WDR43: variants seen among roughly 807,000 people sequenced by gnomAD.
WDR43 encodes the protein WD repeat domain 43.
Under a neutral mutation model 91.4 loss-of-function variants are expected in WDR43, and 13 were observed. That is an observed-to-expected ratio of 0.14 (90% confidence interval 0.09 to 0.23). The LOEUF is 0.23. Ranked by LOEUF, WDR43 falls within the 10% of genes least tolerant of loss-of-function variation. WDR43 has a pLI of 1.00. For synonymous variants in WDR43, 331 were observed against 287.9 expected (o/e 1.15, Z -1.51); for missense variants, 780 against 809.4 (o/e 0.96, Z 0.44).
intron 11 of WDR43, among the ~76,000 whole-genome samples, chr2:28,932,445 G>C (rs571323670): frequency 6.6e-6 from 1 of 152,176 alleles, no homozygotes; most frequent in Non-Finnish European, 1.5e-5. Flanking sequence ...TTACAGGCGT[G>C]AGCCACCGTT....
At chr2:28,907,906 A>AT (rs1670716388) in intron 3 of WDR43, among the ~76,000 whole-genome samples, 1 of 151,880 alleles carries the variant, frequency 6.6e-6, no homozygotes, top group Admixed American at 6.6e-5. Context: ...TCCGTCTCAA[A>AT]AAAAAAAAGC....
At chr2:28,927,323 A>G in intron 9 of WDR43, 1 of 497,146 alleles carries the variant, frequency 2.0e-6, no homozygotes, top group East Asian at 3.9e-5. Context: ...CTGATAACCA[A>G]CTACTGTCAG....
At chr2:28,900,024 G>T (rs1670549573) in intron 1 of WDR43, among the ~76,000 whole-genome samples, 1 of 152,080 alleles carries the variant, frequency 6.6e-6, no homozygotes, top group Non-Finnish European at 1.5e-5. Context: ...CTTGACATAG[G>T]CTATGTAAAT....
At chr2:28,941,692 A>G (rs1671440304) in intron 15 of WDR43, 118 bp downstream of exon 15, 4 of 748,468 alleles carry the variant, frequency 5.3e-6, no homozygotes, top group African/African-American at 1.7e-5. Context: ...CTGCGGTAGC[A>G]TGATCATAGC....
chr2:28,919,886 G>A (rs1470782350), intron 6 of WDR43, among the ~76,000 whole-genome samples: 3 of 151,880 alleles, frequency 2.0e-5, no homozygotes, highest in Admixed American at 6.6e-5. Flanking sequence ...TGTCGCCCAG[G>A]CTGGAGTGCA....
At chr2:28,936,456 T>C (rs1290750105) in intron 12 of WDR43, among the ~76,000 whole-genome samples, 1 of 152,226 alleles carries the variant, frequency 6.6e-6, no homozygotes, top group Non-Finnish European at 1.5e-5. Flanking sequence ...CATGTGTTTT[T>C]GTAATACTGC....
chr2:28,912,773 G>A (rs1670827749), intron 4 of WDR43, 63 bp downstream of exon 4: 1 of 1,578,854 alleles, frequency 6.3e-7, no homozygotes, highest in African/African-American at 1.4e-5. Context: ...AAAGGCAGAA[G>A]TTTGAACCAT....
chr2:28,924,389 C>T (rs528497772), intron 7 of WDR43, among the ~76,000 whole-genome samples: 14 of 151,682 alleles, frequency 9.2e-5, no homozygotes, highest in South Asian at 2.1e-4. Context: ...ATTTTAGGGA[C>T]GAAAAAGGGA....
chr2:28,933,134 T>G (rs984227348), intron 11 of WDR43, among the ~76,000 whole-genome samples: 2 of 152,176 alleles, frequency 1.3e-5, no homozygotes, highest in African/African-American at 4.8e-5. Flanking sequence ...TCGTAGAAAT[T>G]GACAAACCTA....
intron 5 of WDR43, among the ~76,000 whole-genome samples, chr2:28,915,855 G>A (rs566255744): frequency 2.0e-5 from 3 of 152,182 alleles, no homozygotes; most frequent in Non-Finnish European, 4.4e-5. Context: ...ATGACTTCAT[G>A]TTAGAATGAA....
At chr2:28,901,398 A>G (rs1019095122) in intron 1 of WDR43, among the ~76,000 whole-genome samples, 1 of 152,224 alleles carries the variant, frequency 6.6e-6, no homozygotes, top group African/African-American at 2.4e-5. Flanking sequence ...CCAGCCCTTG[A>G]CCAGTCAGTG....
rs1388156337 is a variant in WDR43, at chr2:28,918,058, G to A, written c.849+63G>A. 3 of 1,385,658 alleles carry A rather than the reference G, an allele frequency of 2.2e-6. No individual in the cohort carries two copies. In the Admixed American group the frequency reaches 6.8e-5, roughly 31 times the overall value. 85.8% of individuals were successfully genotyped at this position (1,385,658 alleles called of 1,614,324 possible). On this transcript the variant is annotated intron_variant, in intron 6 of 17. Coordinates refer to ENST00000407426, the MANE Select transcript of WDR43 (RefSeq NM_015131.3). ...TCACAGATGTTATTTTTACAGTCAA[G>A]GTTTTGATGATTTAATGACTTGAGA...
chr2:28,895,274 T>A (rs1315458925), intron 1 of WDR43: 3 of 223,136 alleles, frequency 1.3e-5, no homozygotes, highest in Non-Finnish European at 1.7e-5. Flanking sequence ...GAGTTCTGGT[T>A]TTTGACAGAG....
chr2:28,906,813 T>G (rs950116640), intron 3 of WDR43, among the ~76,000 whole-genome samples: 9 of 152,204 alleles, frequency 5.9e-5, no homozygotes, highest in African/African-American at 2.2e-4. Context: ...AGCATGTGAC[T>G]ATTTGTCAGC....
Position 28,926,493 on chromosome 2 carries a change from T to G in WDR43, c.1112T>G (p.Met371Arg). Residue 371 changes from methionine to arginine, a missense_variant, in exon 9 of 18, where the codon ATG becomes AGG. Physicochemically the swap from Met to Arg is moderately conservative, Grantham distance 91. Around this residue, in one of 4 missense-constraint regions of WDR43, gnomAD observed 426 missense variants for 467.8 expected, o/e 0.91. Coordinates refer to ENST00000407426, the MANE Select transcript of WDR43 (RefSeq NM_015131.3). ...RVALNSREPH[M>R]CLVRDISNCW... ...GCTTTAAACTCCAGAGAACCTCATA[T>G]GTGTTTAGTAAGAGATATTTCAAAC... 6.3e-7 allele frequency: 1 copy of G among 1,596,868 alleles called. No homozygotes were observed. Among genetic ancestry groups the G allele is most frequent in the Non-Finnish European group, 8.5e-7 (1 of 1,170,582 alleles).
chr2:28,947,783 T>A lies in WDR43; in HGVS notation c.*1004T>A, dbSNP rs1231667223. Reference sequence around the variant, plus strand: ...TTAGGGTATCTGTTTACCTTTAAAATGATAAGTCTCACTCAAGATTTTTTA... The same window carrying A: ...TTAGGGTATCTGTTTACCTTTAAAAAGATAAGTCTCACTCAAGATTTTTTA... On this transcript the variant is annotated 3_prime_UTR_variant, in exon 18 of 18. Coordinates refer to ENST00000407426, the MANE Select transcript of WDR43 (RefSeq NM_015131.3). 6.6e-6 allele frequency: 1 copy of A among 151,600 alleles called. No individual in the cohort carries two copies. Among genetic ancestry groups the A allele is most frequent in the Non-Finnish European group, 1.5e-5 (1 of 67,918 alleles). 9.4% of individuals were successfully genotyped at this position (151,600 alleles called of 1,614,324 possible). A position where few individuals can be genotyped will look rare whatever the true frequency, so the allele number is the denominator to read the frequency against.
chr2:28,927,548 T>TTGGC, intron 9 of WDR43, 21 bp from the exon 10 acceptor site: 1 of 1,611,020 alleles, frequency 6.2e-7, no homozygotes, highest in Non-Finnish European at 8.5e-7. Context: ...TTTTCACACT[T>TTGGC]TGGCTATTCC....
chr2:28,912,553 A>G (rs777110383), intron 3 of WDR43, 37 bp from the exon 4 acceptor site: 6 of 1,598,282 alleles, frequency 3.8e-6, no homozygotes, highest in Admixed American at 3.6e-5. Context: ...GTTTTCTCTC[A>G]TGTATTGAGA....
chr2:28,899,222 G>T (rs1392784052), intron 1 of WDR43, among the ~76,000 whole-genome samples: 1 of 152,160 alleles, frequency 6.6e-6, no homozygotes, highest in Non-Finnish European at 1.5e-5. Flanking sequence ...ATATTTATCT[G>T]TATAATCTGT....
Sources: gnomAD v4.1 joint callset for allele counts (sites outside exome capture counted in the v4.1 genomes callset) on GRCh38, gnomAD v4.1.1 for gene constraint, gnomAD v4.1.1 regional missense constraint, MANE v1.5 for transcripts, NCBI Gene and HGNC (gene_info 2026-07-23, HGNC 2026-07-21) for gene names.